GRID2: variants seen among roughly 807,000 people sequenced by gnomAD.
The protein encoded by GRID2 is glutamate ionotropic receptor delta type subunit 2.
GRID2 carries 33 observed loss-of-function variants against 114.8 expected under a neutral mutation model. The ratio of observed to expected loss-of-function variants is 0.29; its 90% CI spans 0.22 to 0.38. The LOEUF (loss-of-function observed/expected upper bound fraction) is 0.38, where lower values mean the gene tolerates loss of function less well. GRID2 is among the 10% of genes least tolerant of loss of function. GRID2 has a pLI of 1.00. For synonymous variants in GRID2, 505 were observed against 449.9 expected (o/e 1.12, Z -1.55); for missense variants, 1,184 against 1,257.7 (o/e 0.94, Z 0.89).
In GRID2 at chr4:93,110,625, G is replaced by C. The variant is rs373107912; in HGVS notation, c.530-123G>C. 41 of 697,064 alleles carry C rather than the reference G, an allele frequency of 5.9e-5. No homozygotes were observed. In the East Asian group the frequency reaches 9.9e-4, roughly 17 times the overall value. 43.2% of individuals were successfully genotyped at this position (697,064 alleles called of 1,614,324 possible). On this transcript the variant is annotated intron_variant, in intron 3 of 15. Transcript: ENST00000282020. ...ACTTGAGAGTTCCGTCAGCTACTCA[G>C]TTGGTAATTTTAGACAGCCTACAGT...
intron 4 of GRID2, among the ~76,000 whole-genome samples, chr4:93,165,436 G>A (rs1169719959): frequency 6.6e-6 from 1 of 152,014 alleles, no homozygotes; most frequent in Non-Finnish European, 1.5e-5. Flanking sequence ...GGAAAGAGGA[G>A]ATATGAGAAT....
At chr4:93,677,532 A>G (rs1725018556) in intron 14 of GRID2, among the ~76,000 whole-genome samples, 1 of 152,114 alleles carries the variant, frequency 6.6e-6, no homozygotes, top group Non-Finnish European at 1.5e-5. Flanking sequence ...GGCACCCCCC[A>G]GTAGGGGCAG....
intron 14 of GRID2, among the ~76,000 whole-genome samples, chr4:93,765,984 G>A (rs1416461140): frequency 3.3e-5 from 5 of 152,040 alleles, no homozygotes; most frequent in Admixed American, 2.0e-4. Flanking sequence ...TTAGAAAACA[G>A]CATCAATCGT....
chr4:93,677,871 C>G (rs139359997), intron 14 of GRID2, among the ~76,000 whole-genome samples: 1 of 151,908 alleles, frequency 6.6e-6, no homozygotes, highest in Non-Finnish European at 1.5e-5. Flanking sequence ...AAAAGCAGAG[C>G]GCCTCTCCTC....
At chr4:93,512,018 C>G (rs1729241941) in intron 12 of GRID2, among the ~76,000 whole-genome samples, 1 of 151,988 alleles carries the variant, frequency 6.6e-6, no homozygotes, top group Non-Finnish European at 1.5e-5. Context: ...AACTCCTGAC[C>G]TCAAGTGATC....
chr4:93,730,430 A>G (rs1730376221), intron 14 of GRID2, among the ~76,000 whole-genome samples: 1 of 152,226 alleles, frequency 6.6e-6, no homozygotes, highest in South Asian at 2.1e-4. Context: ...GGAGACAGCT[A>G]AGCTGCCAGG....
chr4:93,467,247 A>G (rs1057145757), intron 11 of GRID2, among the ~76,000 whole-genome samples: 1 of 152,156 alleles, frequency 6.6e-6, no homozygotes, highest in Non-Finnish European at 1.5e-5. Flanking sequence ...AATATAAACA[A>G]TCTGAAAATA....
At chr4:92,744,244 C>A (rs1169891994) in intron 2 of GRID2, among the ~76,000 whole-genome samples, 1 of 152,042 alleles carries the variant, frequency 6.6e-6, no homozygotes, top group Non-Finnish European at 1.5e-5. Flanking sequence ...CTGTAATCCA[C>A]TTTGGGAGGC....
At chr4:92,906,663 G>A (rs1014564400) in intron 2 of GRID2, among the ~76,000 whole-genome samples, 1 of 152,024 alleles carries the variant, frequency 6.6e-6, no homozygotes, top group African/African-American at 2.4e-5. Flanking sequence ...CTGTCACCCA[G>A]GCTGGAGTGC....
At position 92,870,331 on chromosome 4, in the gene GRID2, C is replaced by T. The variant is rs190184265; in HGVS notation, c.245-214664C>T. 7.9e-5 allele frequency among the ~76,000 whole-genome samples: 12 copies of T among 152,106 alleles called. No individual in the cohort carries two copies. In the East Asian group the frequency reaches 9.7e-4, roughly 12 times the overall value. On this transcript the variant is annotated intron_variant, in intron 2 of 15. Coordinates refer to ENST00000282020, the MANE Select transcript of GRID2 (RefSeq NM_001510.4). Reference sequence around the variant, plus strand: ...TCTCATTTAGAATGTTCATCTTCCTCTTCCACAGGAGTTTAAGCTCCATAA... The same window carrying T: ...TCTCATTTAGAATGTTCATCTTCCTTTTCCACAGGAGTTTAAGCTCCATAA...
intron 13 of GRID2, among the ~76,000 whole-genome samples, chr4:93,544,613 A>G (rs1733011303): frequency 6.6e-6 from 1 of 151,876 alleles, no homozygotes; most frequent in Admixed American, 6.6e-5. Flanking sequence ...CCCCGTCTCT[A>G]CTAAAAATAC....
intron 1 of GRID2, among the ~76,000 whole-genome samples, chr4:92,569,437 G>A (rs549174099): frequency 1.3e-5 from 2 of 152,144 alleles, no homozygotes; most frequent in African/African-American, 4.8e-5. Context: ...AAACATTCAC[G>A]TGCATGTATC....
intron 1 of GRID2, among the ~76,000 whole-genome samples, chr4:92,392,806 A>G (rs931184345): frequency 6.6e-6 from 1 of 152,130 alleles, no homozygotes; most frequent in Non-Finnish European, 1.5e-5. Flanking sequence ...TTTTTCATAA[A>G]TATTTCTTTA....
chr4:92,398,514 G>T lies in GRID2; in HGVS notation c.88+93770G>T, dbSNP rs949837478. ...AGTTTTTGCCATGTTGCCCAAGCTG[G>T]TCTCAAACTCCTGGGCTCAAGTGAT... On this transcript the variant is annotated intron_variant, in intron 1 of 15. Coordinates refer to ENST00000282020, the MANE Select transcript of GRID2 (RefSeq NM_001510.4). Among the ~76,000 whole-genome samples the T allele has an allele frequency of 7.2e-5, 11 of 152,218 alleles. No individual in the cohort carries two copies. In the South Asian group the frequency reaches 2.3e-3, roughly 32 times the overall value.
chr4:92,824,333 G>A (rs1578243923), intron 2 of GRID2, among the ~76,000 whole-genome samples: 2 of 152,160 alleles, frequency 1.3e-5, no homozygotes, highest in South Asian at 4.1e-4. Flanking sequence ...TTAAGTCTCT[G>A]CTGTGTAGTA....
intron 2 of GRID2, among the ~76,000 whole-genome samples, chr4:92,845,665 A>G (rs1265378737): frequency 6.6e-6 from 1 of 152,102 alleles, no homozygotes; most frequent in African/African-American, 2.4e-5. Flanking sequence ...CCTGGCAGCA[A>G]CCACACAATT....
intron 14 of GRID2, among the ~76,000 whole-genome samples, chr4:93,663,912 A>G (rs939314167): frequency 2.0e-5 from 3 of 152,178 alleles, no homozygotes; most frequent in African/African-American, 7.2e-5. Flanking sequence ...CCTGGCTTAA[A>G]CATTATTTTT....
intron 2 of GRID2, among the ~76,000 whole-genome samples, chr4:92,970,919 T>C (rs1190662807): frequency 6.6e-6 from 1 of 151,794 alleles, no homozygotes; most frequent in Non-Finnish European, 1.5e-5. Context: ...TTAATTAGCA[T>C]TGCATATATA....
chr4:92,928,343 AG>A (rs1344713628), intron 2 of GRID2, among the ~76,000 whole-genome samples: 1 of 151,842 alleles, frequency 6.6e-6, no homozygotes, highest in African/African-American at 2.4e-5. Context: ...GAAAGATTTA[AG>A]TCATTTCATG....
Sources: gnomAD v4.1 joint callset for allele counts (sites outside exome capture counted in the v4.1 genomes callset) on GRCh38, gnomAD v4.1.1 for gene constraint, MANE v1.5 for transcripts, NCBI Gene and HGNC (gene_info 2026-07-23, HGNC 2026-07-21) for gene names.